Variants in SPICE1 observed in about 807,000 individuals in gnomAD.
The protein encoded by SPICE1 is spindle and centriole-associated protein 1.
A neutral mutation model predicts 102.7 loss-of-function variants in SPICE1; 75 were observed. The ratio of observed to expected loss-of-function variants is 0.73; its 90% CI spans 0.61 to 0.88. SPICE1 has a LOEUF of 0.88. Among genes scored for constraint, SPICE1 ranks in the 40% least tolerant of loss-of-function variants. SPICE1 has a pLI of 0.00. For synonymous variants in SPICE1, 308 were observed against 350.3 expected (o/e 0.88, Z 1.35); for missense variants, 979 against 1,020.1 (o/e 0.96, Z 0.55).
chr3:113,466,670 A>C lies in SPICE1; in HGVS notation c.1156-886T>G, dbSNP rs1234574924. 6.2e-4 allele frequency among the ~76,000 whole-genome samples: 94 copies of C among 152,012 alleles called. 1 individual carries two copies. The highest frequency in any genetic ancestry group is 6.2e-3 in the Admixed American group (94 of 15,252). ...AATACTCTCCAAGAGCCAAAAGTAT[A>C]CTCCTGAAGATTCCTGAGTTAAGGG... is the stretch of plus-strand genomic sequence containing the variant. On this transcript the variant is annotated intron_variant, in intron 10 of 17. Coordinates refer to ENST00000295872, the MANE Select transcript of SPICE1 (RefSeq NM_144718.4).
rs1436589092 is a variant in SPICE1 at position 113,477,192 on chromosome 3, C to T, written c.612-7954G>A. ...AAAAAAACACATGAAAAAATGCTCACCATCACTGGCCATCAGAGAAATGCA... is the reference window on the plus strand; with the variant it reads ...AAAAAAACACATGAAAAAATGCTCATCATCACTGGCCATCAGAGAAATGCA... On this transcript the variant is annotated intron_variant, in intron 7 of 17. Transcript: ENST00000295872. Among the ~76,000 whole-genome samples, 9 of 152,094 alleles carry T rather than the reference C, an allele frequency of 5.9e-5. No homozygotes were observed. The South Asian group carries it at 1.9e-3, about 32-fold the overall frequency.
At chr3:113,499,976 G>T (rs1353151367) in intron 3 of SPICE1, among the ~76,000 whole-genome samples, 1 of 151,716 alleles carries the variant, frequency 6.6e-6, no homozygotes, top group Non-Finnish European at 1.5e-5. Flanking sequence ...CACTAACTGA[G>T]CACAATGTAA....
intron 2 of SPICE1, among the ~76,000 whole-genome samples, chr3:113,503,947 A>G (rs996790474): frequency 8.6e-5 from 13 of 151,850 alleles, no homozygotes; most frequent in African/African-American, 2.4e-4. Context: ...AAAAAAAAAA[A>G]AAAAAAGAAA....
Position 113,468,217 on chromosome 3 carries a change from C to A in SPICE1, c.1077G>T (p.Leu359=). The A allele has an allele frequency of 6.2e-7, 1 of 1,614,186 alleles. No homozygotes were observed. The highest frequency in any genetic ancestry group is 8.5e-7 in the Non-Finnish European group (1 of 1,180,038). ...AGCCTGTAAGACCCTGACTGCTCTGCAGACCCTTGACCTCGCGACCTGTCC... is the reference window on the plus strand; with the variant it reads ...AGCCTGTAAGACCCTGACTGCTCTGAAGACCCTTGACCTCGCGACCTGTCC... The part of the protein sequence containing the change: ...ERWTGREVKG[L]QSSQGLTGFT... Residue 359 remains leucine (L), a synonymous_variant, in exon 10 of 18, where the codon CTG becomes CTT. Coordinates refer to ENST00000295872, the MANE Select transcript of SPICE1 (RefSeq NM_144718.4).
intron 14 of SPICE1, 63 bp from the exon 15 acceptor site, chr3:113,450,579 ATTT>A (rs764682551): frequency 1.0e-3 from 1,219 of 1,207,876 alleles, no homozygotes; most frequent in Middle Eastern, 1.4e-3. Context: ...CTCTCCCACG[ATTT>A]TTTTTTTTTT....
At position 113,468,367 on chromosome 3, in the gene SPICE1, C is replaced by G; in HGVS notation, c.927G>C (p.Pro309=). The G allele has an allele frequency of 1.2e-6, 2 of 1,614,068 alleles. No homozygotes were observed. The highest frequency in any genetic ancestry group is 1.7e-6 in the Non-Finnish European group (2 of 1,179,974). The change falls in exon 10 of 18, where the codon CCG becomes CCC. Residue 309 remains proline, a synonymous_variant. Transcript: ENST00000295872. ...RKPNLHALSK[P]KKNISSGSTT... is the part of the protein sequence containing the mutation. ...TGCTACCTGATGATATGTTTTTCTT[C>G]GGCTTGGAAAGAGCATGCAAATTCG...
chr3:113,509,576 T>G (rs935656412), intron 1 of SPICE1, among the ~76,000 whole-genome samples: 1 of 152,216 alleles, frequency 6.6e-6, no homozygotes, highest in Non-Finnish European at 1.5e-5. Context: ...TGTTCTGTCT[T>G]GAGAGACAAT....
At chr3:113,501,570 A>C (rs1031615436) in intron 3 of SPICE1, among the ~76,000 whole-genome samples, 2 of 152,352 alleles carry the variant, frequency 1.3e-5, no homozygotes, top group East Asian at 3.9e-4. Context: ...CAACAATAAA[A>C]GCACAAATAA....
At chr3:113,451,553 G>C (rs1935652660) in intron 14 of SPICE1, among the ~76,000 whole-genome samples, 1 of 152,150 alleles carries the variant, frequency 6.6e-6, no homozygotes, top group South Asian at 2.1e-4. Context: ...AGTGAAGACA[G>C]AAATATTAGA....
intron 11 of SPICE1, among the ~76,000 whole-genome samples, chr3:113,461,222 AAATATT>A (rs1450437277): frequency 6.6e-6 from 1 of 152,002 alleles, no homozygotes; most frequent in Non-Finnish European, 1.5e-5. Context: ...TAATTAATAT[AAATATT>A]AATTACAACT....
intron 7 of SPICE1, among the ~76,000 whole-genome samples, chr3:113,472,334 T>C (rs1216518896): frequency 1.3e-5 from 2 of 152,254 alleles, no homozygotes; most frequent in African/African-American, 4.8e-5. Context: ...CCTGCCTCTG[T>C]AGGCTCCACC....
chr3:113,462,761 C>T (rs773991435), intron 11 of SPICE1, among the ~76,000 whole-genome samples: 15 of 152,024 alleles, frequency 9.9e-5, no homozygotes, highest in Middle Eastern at 3.2e-3. Context: ...TAAGGGCACG[C>T]GACCCAAGAA....
Position 113,450,493 on chromosome 3 carries a change from T to TAA in SPICE1, c.2165_2166insTT (p.Thr723Ter). 6.2e-7 allele frequency: 1 copy of TAA among 1,611,942 alleles called. No homozygotes were observed. The highest frequency in any genetic ancestry group is 1.1e-5 in the South Asian group (1 of 90,916). On this transcript the variant is annotated frameshift_variant, in exon 15 of 18. Coordinates refer to ENST00000295872, the MANE Select transcript of SPICE1 (RefSeq NM_144718.4). LOFTEE classifies it high-confidence loss of function. The stretch of plus-strand genomic sequence containing the variant: ...TCCGTTCCTCCATACTACCTGGTGT[T>TAA]AGAGACTGTGCTACTGGAAAAGTCT...
At chr3:113,486,283 T>A (rs1057240570) in intron 7 of SPICE1, among the ~76,000 whole-genome samples, 1 of 144,078 alleles carries the variant, frequency 6.9e-6, no homozygotes, top group Non-Finnish European at 1.5e-5. Context: ...AACATCACAA[T>A]TAAAAGAACT....
chr3:113,507,567 T>C (rs1465884127), intron 1 of SPICE1, among the ~76,000 whole-genome samples: 1 of 151,928 alleles, frequency 6.6e-6, no homozygotes, highest in East Asian at 1.9e-4. Flanking sequence ...TCAATCTTCC[T>C]TGCACTCTGT....
In SPICE1 at chr3:113,491,654, A is replaced by G. The variant is rs554124462; in HGVS notation, c.492+1552T>C. On this transcript the variant is annotated intron_variant, in intron 6 of 17. Transcript: ENST00000295872. ...AAAAAAAAAAAAAAAAAAAAAGATT[A>G]TCTATAGCAACACCAATTTCCTTTC... is the stretch of plus-strand genomic sequence containing the variant. Among the ~76,000 whole-genome samples the G allele has an allele frequency of 2.0e-5, 3 of 148,348 alleles. No homozygotes were observed. In the South Asian group the frequency reaches 6.4e-4, roughly 32 times the overall value.
intron 7 of SPICE1, among the ~76,000 whole-genome samples, chr3:113,484,882 G>A (rs574116793): frequency 8.4e-4 from 128 of 152,240 alleles, no homozygotes; most frequent in African/African-American, 2.9e-3. Context: ...TATTAAGTCT[G>A]CTTGGTCCAG....
At chr3:113,466,788 A>G (rs563180781) in intron 10 of SPICE1, among the ~76,000 whole-genome samples, 33 of 152,340 alleles carry the variant, frequency 2.2e-4, no homozygotes, top group African/African-American at 7.5e-4. Context: ...GCTCACGCCT[A>G]TAATACCAAC....
chr3:113,446,555 T>C, intron 17 of SPICE1, 34 bp downstream of exon 17: 3 of 1,498,434 alleles, frequency 2.0e-6, no homozygotes, highest in Non-Finnish European at 2.8e-6. Context: ...CCCTCACCCC[T>C]ATATGCATTT....
Sources: gnomAD v4.1 joint callset for allele counts (sites outside exome capture counted in the v4.1 genomes callset) on GRCh38, gnomAD v4.1.1 for gene constraint, MANE v1.5 for transcripts, NCBI Gene and HGNC (gene_info 2026-07-23, HGNC 2026-07-21) for gene names.